The following FNDC3B variants were observed in gnomAD, a reference collection of about 807,000 sequenced individuals.
FNDC3B encodes fibronectin type III domain containing 3B.
FNDC3B carries 12 observed loss-of-function variants against 151.5 expected under a neutral mutation model. The ratio of observed to expected loss-of-function variants is 0.08; its 90% CI spans 0.05 to 0.13. FNDC3B has a LOEUF of 0.13. FNDC3B is among the 10% of genes least tolerant of loss of function. The pLI is 1.00. For missense variants in FNDC3B, 1,214 were observed against 1,505.3 expected (o/e 0.81, Z 3.20); for synonymous variants, 528 against 549.0 (o/e 0.96, Z 0.54).
At chr3:172,251,934 C>T (rs542770292) in intron 6 of FNDC3B, among the ~76,000 whole-genome samples, 8 of 152,282 alleles carry the variant, frequency 5.3e-5, no homozygotes, top group Middle Eastern at 3.4e-3. Flanking sequence ...ATAAACCATA[C>T]GTAATTACTT....
intron 25 of FNDC3B, among the ~76,000 whole-genome samples, chr3:172,382,278 A>C (rs1735487787): frequency 6.6e-6 from 1 of 152,100 alleles, no homozygotes; most frequent in Non-Finnish European, 1.5e-5. Context: ...TTCTTTTGAG[A>C]AGTGTCTGTT....
At chr3:172,148,454 A>G (rs1218829481) in intron 3 of FNDC3B, 2 of 152,160 alleles carry the variant, frequency 1.3e-5, no homozygotes, top group African/African-American at 4.8e-5. Context: ...TTAAAGCATG[A>G]AACTGGTGAG....
intron 1 of FNDC3B, among the ~76,000 whole-genome samples, chr3:172,052,176 C>T (rs1309945034): frequency 1.3e-5 from 2 of 151,388 alleles, no homozygotes; most frequent in African/African-American, 4.9e-5. Context: ...CCTCCGCCTC[C>T]TGGGCTCAAG....
intron 3 of FNDC3B, among the ~76,000 whole-genome samples, chr3:172,151,854 T>C (rs1273536704): frequency 6.6e-6 from 1 of 152,204 alleles, no homozygotes; most frequent in Non-Finnish European, 1.5e-5. Context: ...TTATGCGTTA[T>C]TTCACTCAAA....
At chr3:172,203,838 G>T (rs556829579) in intron 3 of FNDC3B, among the ~76,000 whole-genome samples, 2 of 152,136 alleles carry the variant, frequency 1.3e-5, no homozygotes, top group South Asian at 4.2e-4. Flanking sequence ...TTTCCCTTCA[G>T]ACTTTTACAA....
chr3:172,368,343 A>G (rs982577610), intron 23 of FNDC3B, among the ~76,000 whole-genome samples: 3 of 151,778 alleles, frequency 2.0e-5, no homozygotes, highest in African/African-American at 4.8e-5. Flanking sequence ...GCGTATGCCT[A>G]TTATAGAACA....
chr3:172,363,025 T>C (rs1279310938), intron 23 of FNDC3B, among the ~76,000 whole-genome samples, 180 bp downstream of exon 23: 1 of 152,058 alleles, frequency 6.6e-6, no homozygotes, highest in African/African-American at 2.4e-5. Context: ...CTATTTGGAA[T>C]TTCTAAACAT....
intron 3 of FNDC3B, among the ~76,000 whole-genome samples, chr3:172,223,068 A>G (rs943210818): frequency 2.0e-5 from 3 of 152,224 alleles, no homozygotes; most frequent in African/African-American, 7.2e-5. Flanking sequence ...TGAAAATTCA[A>G]TTCATTAACA....
intron 6 of FNDC3B, among the ~76,000 whole-genome samples, chr3:172,263,586 G>GTTTTTT (rs35762662): frequency 2.0e-5 from 2 of 102,200 alleles, no homozygotes; most frequent in Admixed American, 1.1e-4. Flanking sequence ...GCTATCAAGT[G>GTTTTTT]TTTTTTTTTT....
At chr3:172,041,542 G>T (rs1354977540) in intron 1 of FNDC3B, among the ~76,000 whole-genome samples, 1 of 150,990 alleles carries the variant, frequency 6.6e-6, no homozygotes, top group East Asian at 1.9e-4. Context: ...TTGGGAATGG[G>T]GAGGCACGGT....
intron 1 of FNDC3B, among the ~76,000 whole-genome samples, chr3:172,068,423 CTT>C (rs11459544): frequency 1.1e-4 from 14 of 122,550 alleles, no homozygotes; most frequent in Non-Finnish European, 1.2e-4. Context: ...TGTGAGGAGC[CTT>C]TTTTTTTTTT....
At chr3:172,248,148 G>C (rs1016853719) in intron 5 of FNDC3B, among the ~76,000 whole-genome samples, 1 of 152,106 alleles carries the variant, frequency 6.6e-6, no homozygotes, top group African/African-American at 2.4e-5. Context: ...CGTTTCTTTG[G>C]TATCCATATG....
At chr3:172,259,909 C>A (rs543162719) in intron 6 of FNDC3B, among the ~76,000 whole-genome samples, 1 of 152,316 alleles carries the variant, frequency 6.6e-6, no homozygotes, top group East Asian at 1.9e-4. Flanking sequence ...ACATTTTTCA[C>A]TTGCATATAA....
intron 3 of FNDC3B, among the ~76,000 whole-genome samples, chr3:172,150,101 G>A (rs903968213): frequency 6.6e-6 from 1 of 152,044 alleles, no homozygotes; most frequent in Non-Finnish European, 1.5e-5. Context: ...ACAGGTGTGA[G>A]CCACCACGCC....
chr3:172,343,165 G>T, intron 18 of FNDC3B, 49 bp downstream of exon 18: 3 of 967,480 alleles, frequency 3.1e-6, no homozygotes, highest in African/African-American at 3.2e-5. Context: ...GACAATTGGA[G>T]ATGAAGACTT....
rs370786988 is a variant in FNDC3B at position 172,247,419 on chromosome 3, G to GT, written c.265-107dup. The GT allele has an allele frequency of 3.1e-5, 36 of 1,175,636 alleles. No homozygotes were observed. The African/African-American group carries it at 4.2e-4, about 14-fold the overall frequency. 72.8% of individuals were successfully genotyped at this position (1,175,636 alleles called of 1,614,324 possible). A position where few individuals can be genotyped will look rare whatever the true frequency, so the allele number is the denominator to read the frequency against. On this transcript the variant is annotated intron_variant, in intron 4 of 25. Coordinates refer to ENST00000415807, the MANE Select transcript of FNDC3B (RefSeq NM_022763.4). ...GAGAACCAGAATACAACATGCATTT[G>GT]TTTTTTTCTATGGTGGAAGAGAAAA...
At chr3:172,187,049 G>T in intron 3 of FNDC3B, 1 of 309,112 alleles carries the variant, frequency 3.2e-6, no homozygotes, top group South Asian at 7.6e-5. Context: ...AGTCCTTCCA[G>T]GTTTTTGGAA....
At position 172,239,993 on chromosome 3, in the gene FNDC3B, C is replaced by T. The variant is rs1004906386; in HGVS notation, c.265-7540C>T. On this transcript the variant is annotated intron_variant, in intron 4 of 25. Transcript: ENST00000415807. Reference sequence around the variant, plus strand: ...ACACCATCCTCCTGCCTCAGCCTCCCGAGCAGCTGGGACTACAGGCTCCCG... The same window carrying T: ...ACACCATCCTCCTGCCTCAGCCTCCTGAGCAGCTGGGACTACAGGCTCCCG... Among the ~76,000 whole-genome samples the T allele has an allele frequency of 3.3e-5, 5 of 150,874 alleles. No homozygotes were observed. The East Asian group carries it at 9.8e-4, about 30-fold the overall frequency.
chr3:172,337,627 G>T, intron 16 of FNDC3B: 1 of 468,352 alleles, frequency 2.1e-6, no homozygotes. Context: ...CAATTTTTCT[G>T]TATCTTTTTC....
Sources: gnomAD v4.1 joint callset for allele counts (sites outside exome capture counted in the v4.1 genomes callset) on GRCh38, gnomAD v4.1.1 for gene constraint, MANE v1.5 for transcripts, NCBI Gene and HGNC (gene_info 2026-07-23, HGNC 2026-07-21) for gene names.